The following BLMH variants were observed in gnomAD, a reference collection of about 807,000 sequenced individuals.
BLMH encodes bleomycin hydrolase.
A neutral mutation model predicts 61.6 loss-of-function variants in BLMH; 32 were observed. That is an observed-to-expected ratio of 0.52 (90% CI 0.39 to 0.70). BLMH has a LOEUF of 0.70. Ranked by LOEUF, BLMH falls within the 30% of genes least tolerant of loss-of-function variation. The pLI, the probability that BLMH is intolerant of heterozygous loss-of-function variation, is 0.00. For missense variants in BLMH, 460 were observed against 555.5 expected, an observed-to-expected ratio of 0.83 and a Z score of 1.73; for synonymous variants, 183 against 193.8, an observed-to-expected ratio of 0.94 and a Z score of 0.46.
At chr17:30,278,868 G>A (rs949381709) in intron 6 of BLMH, among the ~76,000 whole-genome samples, 2 of 152,176 alleles carry the variant, frequency 1.3e-5, no homozygotes, top group African/African-American at 4.8e-5. Flanking sequence ...ACAGGGTTTT[G>A]CCATGTTGGC....
At chr17:30,251,095 G>C (rs988523088) in intron 11 of BLMH, among the ~76,000 whole-genome samples, 2 of 152,066 alleles carry the variant, frequency 1.3e-5, no homozygotes, top group Non-Finnish European at 2.9e-5. Context: ...ATGGAAGAGT[G>C]GGAGGGGTGG....
intron 4 of BLMH, among the ~76,000 whole-genome samples, 169 bp from the exon 5 acceptor site, chr17:30,287,071 A>C (rs1005439281): frequency 3.9e-5 from 6 of 152,060 alleles, no homozygotes; most frequent in Admixed American, 1.3e-4. Context: ...TTTTTGACAG[A>C]GTTTTGCTCT....
chr17:30,279,530 G>A (rs1262490418), intron 6 of BLMH, among the ~76,000 whole-genome samples: 1 of 152,168 alleles, frequency 6.6e-6, no homozygotes, highest in East Asian at 1.9e-4. Flanking sequence ...GTGCCAGAAA[G>A]GTCCAAGCCC....
chr17:30,275,954 T>A (rs1908411241), intron 6 of BLMH, among the ~76,000 whole-genome samples: 1 of 152,184 alleles, frequency 6.6e-6, no homozygotes, highest in Admixed American at 6.5e-5. Flanking sequence ...TTGTGCTAGA[T>A]ACTATGTATT....
Position 30,272,897 on chromosome 17 carries a change from A to T in BLMH, c.804T>A (p.Ile268=). 6.2e-7 allele frequency: 1 copy of T among 1,613,376 alleles called. No homozygotes were observed. Among genetic ancestry groups the T allele is most frequent in the Non-Finnish European group, 8.5e-7 (1 of 1,179,822 alleles). Residue 268 remains isoleucine (I), a splice_region_variant and synonymous_variant, in exon 8 of 12, where the codon ATT becomes ATA. Coordinates refer to ENST00000261714, the MANE Select transcript of BLMH (RefSeq NM_000386.4). ...GGGGCCTAGGGTCATTCACTAAACA[A>T]ATCTATCAAGATCAAGAACACATTA... ...VKPLFNMEDK[I]CLVNDPRPQH...
At chr17:30,274,290 A>C (rs1372164472) in intron 6 of BLMH, 93 bp from the exon 7 acceptor site, 1 of 1,398,572 alleles carries the variant, frequency 7.2e-7, no homozygotes, top group Non-Finnish European at 9.6e-7. Context: ...GAAACACAAG[A>C]AGTTAGTGGC....
chr17:30,272,908 A>C lies in BLMH; in HGVS notation c.802-9T>G, dbSNP rs1458084857. 3 of 1,612,640 alleles carry C rather than the reference A, an allele frequency of 1.9e-6. No homozygotes were observed. The highest frequency in any genetic ancestry group is 2.5e-6 in the Non-Finnish European group (3 of 1,179,510). On this transcript the variant is annotated splice_polypyrimidine_tract_variant and intron_variant, in intron 7 of 11. Transcript: ENST00000261714. ...TCATTCACTAAACAAATCTATCAAG[A>C]TCAAGAACACATTAATTAGGGCACA...
intron 7 of BLMH, chr17:30,273,236 G>A (rs142468723): frequency 3.2e-4 from 57 of 180,772 alleles, no homozygotes; most frequent in African/African-American, 1.0e-3. Context: ...GCGCCATCTC[G>A]GCTCACTGCA....
At chr17:30,282,172 A>G (rs1908607862) in intron 6 of BLMH, among the ~76,000 whole-genome samples, 1 of 151,568 alleles carries the variant, frequency 6.6e-6, no homozygotes, top group Non-Finnish European at 1.5e-5. Flanking sequence ...CTGGCACTAC[A>G]AGTGTTACCA....
intron 6 of BLMH, among the ~76,000 whole-genome samples, chr17:30,278,951 C>T (rs1403453767): frequency 1.3e-5 from 2 of 152,184 alleles, no homozygotes; most frequent in African/African-American, 2.4e-5. Context: ...AGGCGTAAGC[C>T]GCCACACCCA....
chr17:30,273,846 T>C (rs1345122810), intron 7 of BLMH, 196 bp downstream of exon 7: 5 of 650,004 alleles, frequency 7.7e-6, no homozygotes, highest in Non-Finnish European at 1.3e-5. Flanking sequence ...AAGAGGAACA[T>C]TGTGGAAAAG....
intron 11 of BLMH, among the ~76,000 whole-genome samples, chr17:30,256,940 A>G (rs954075106): frequency 3.3e-5 from 5 of 152,210 alleles, no homozygotes; most frequent in Admixed American, 2.6e-4. Flanking sequence ...GAATTTGTAC[A>G]GGGTATGTTG....
At position 30,284,073 on chromosome 17, in the gene BLMH, A is replaced by C. The variant is rs368970177; in HGVS notation, c.645+1315T>G. Among the ~76,000 whole-genome samples, 16 of 152,342 alleles carry C rather than the reference A, an allele frequency of 1.1e-4. No individual in the cohort carries two copies. The South Asian group carries it at 3.3e-3, about 32-fold the overall frequency. On this transcript the variant is annotated intron_variant, in intron 6 of 11. Transcript: ENST00000261714. The stretch of plus-strand genomic sequence containing the variant: ...AGGATCACAGACTGTTAAGTAAAAG[A>C]GTCAGAATTTAAACCCATGTATGTC...
chr17:30,264,856 A>C (rs1353696696), intron 11 of BLMH, among the ~76,000 whole-genome samples: 1 of 152,234 alleles, frequency 6.6e-6, no homozygotes, highest in Non-Finnish European at 1.5e-5. Context: ...TTTTAAGACA[A>C]GTATCCATCT....
At chr17:30,266,162 G>A (rs1213918089) in intron 11 of BLMH, among the ~76,000 whole-genome samples, 3 of 152,084 alleles carry the variant, frequency 2.0e-5, no homozygotes, top group Admixed American at 6.6e-5. Context: ...AATGCCTAAA[G>A]AAAGCTTCTT....
At chr17:30,279,744 G>T (rs1467308690) in intron 6 of BLMH, among the ~76,000 whole-genome samples, 1 of 152,146 alleles carries the variant, frequency 6.6e-6, no homozygotes, top group East Asian at 1.9e-4. Flanking sequence ...TGAGGCTGCA[G>T]TGAGCTGTGA....
At chr17:30,287,235 C>T (rs1420435626) in intron 4 of BLMH, among the ~76,000 whole-genome samples, 2 of 152,158 alleles carry the variant, frequency 1.3e-5, no homozygotes, top group Non-Finnish European at 2.9e-5. Context: ...CTATGTTACC[C>T]AGGCTGGTAC....
intron 11 of BLMH, among the ~76,000 whole-genome samples, chr17:30,258,212 T>C (rs1907867144): frequency 6.6e-6 from 1 of 151,332 alleles, no homozygotes; most frequent in African/African-American, 2.4e-5. Flanking sequence ...ACAGGATGGG[T>C]TGGATGTTTA....
chr17:30,283,783 G>A (rs1277081164), intron 6 of BLMH, among the ~76,000 whole-genome samples: 1 of 152,128 alleles, frequency 6.6e-6, no homozygotes, highest in African/African-American at 2.4e-5. Flanking sequence ...GCCTCCCAAA[G>A]TGCTGAGACT....
Sources: allele counts gnomAD v4.1 joint callset (sites outside exome capture counted in the v4.1 genomes callset), GRCh38; gene constraint gnomAD v4.1.1; transcripts MANE v1.5; gene names NCBI Gene and HGNC (gene_info 2026-07-23, HGNC 2026-07-21).